Variants in CAD observed in about 807,000 individuals in gnomAD.
The protein encoded by CAD is multifunctional protein CAD.
A neutral mutation model predicts 237.2 loss-of-function variants in CAD; 81 were observed. The observed-to-expected ratio is 0.34, with a 90% CI of 0.29 to 0.41. CAD has a LOEUF of 0.41. Ranked by LOEUF, CAD falls within the 10% of genes least tolerant of loss-of-function variation. The pLI is 1.00. For synonymous variants in CAD, 1,196 were observed against 1,162.8 expected (o/e 1.03, Z -0.58); for missense variants, 2,181 against 2,951.7 (o/e 0.74, Z 6.05).
Position 27,223,759 on chromosome 2 carries a change from T to TTGAC in CAD, c.995+14_995+17dup. The TTGAC allele has an allele frequency of 6.2e-7, 1 of 1,613,268 alleles. No homozygotes were observed. Among genetic ancestry groups the TTGAC allele is most frequent in the Non-Finnish European group, 8.5e-7 (1 of 1,179,248 alleles). On this transcript the variant is annotated intron_variant, in intron 7 of 43. Coordinates refer to ENST00000264705, the MANE Select transcript of CAD (RefSeq NM_004341.5). Reference sequence around the variant, plus strand: ...CTTGCCTTTCTTCAGGTGAGCCTGGTTGACTGGGTCTGTGAAAATTTGAAG... The same window carrying TTGAC: ...CTTGCCTTTCTTCAGGTGAGCCTGGTTGACTGACTGGGTCTGTGAAAATTTGAAG...
intron 4 of CAD, 61 bp downstream of exon 4, chr2:27,222,397 A>G: frequency 4.4e-6 from 7 of 1,585,812 alleles, no homozygotes; most frequent in Non-Finnish European, 6.0e-6. Flanking sequence ...TTCTGCCCAC[A>G]ATTGGGGGGT....
chr2:27,232,076 G>A lies in CAD; in HGVS notation c.2497G>A (p.Asp833Asn), dbSNP rs115483555. 1,606 of 1,614,184 alleles carry A rather than the reference G, an allele frequency of 9.9e-4. 8 individuals carry two copies. The African/African-American group carries it at 0.019, about 19-fold the overall frequency. ...VDRLYELTRI[D>N]RWFLHRMKRI... ...CCGCCTGTATGAGCTCACACGCATC[G>A]ACCGCTGGTTCCTGCACCGAATGAA... Residue 833 changes from aspartate to asparagine, a missense_variant, in exon 17 of 44, where the codon GAC (aspartate) becomes AAC (asparagine). Asp to Asn is a conservative substitution (Grantham distance 23, BLOSUM62 1). Around this residue, in one of 12 missense-constraint regions of CAD, gnomAD observed 385 missense variants for 535.1 expected, o/e 0.72. Transcript: ENST00000264705. The surrounding 1 kb of genome is among the most constrained non-coding windows in gnomAD (Gnocchi z 4.1).
chr2:27,219,992 A>G (rs926410494), intron 2 of CAD, among the ~76,000 whole-genome samples: 8 of 152,142 alleles, frequency 5.3e-5, no homozygotes, highest in Non-Finnish European at 1.2e-4. Flanking sequence ...GTACCTCCCT[A>G]TCTTACTCAG....
In CAD at chr2:27,223,990, G is replaced by C. The variant is rs770710717; in HGVS notation, c.1069G>C (p.Val357Leu). 4 of 1,614,036 alleles carry C rather than the reference G, an allele frequency of 2.5e-6. No homozygotes were observed. Among genetic ancestry groups the C allele is most frequent in the Non-Finnish European group, 2.5e-6 (3 of 1,179,854 alleles). ...GCTTTTCGATATCTTTCTGGAAACTGTGAAAGAGGCCACAGCTGGGAACCC... is the reference window on the plus strand; with the variant it reads ...GCTTTTCGATATCTTTCTGGAAACTCTGAAAGAGGCCACAGCTGGGAACCC... ...ELLFDIFLET[V>L]KEATAGNPGG... The change falls in exon 8 of 44, where the codon GTG (valine) becomes CTG (leucine). Residue 357 changes from valine to leucine, a missense_variant. By Grantham distance (32) the Val-to-Leu change is conservative (BLOSUM62 1). Around this residue, in one of 12 missense-constraint regions of CAD, gnomAD observed 129 missense variants for 143.3 expected, o/e 0.90. Transcript: ENST00000264705.
chr2:27,235,948 C>A lies in CAD; in HGVS notation c.4074+308C>A. The stretch of plus-strand genomic sequence containing the variant: ...TACCATTATACTAGTAAGCTATATT[C>A]CATGCAGAAAGCAGAATACACAGGA... On this transcript the variant is annotated intron_variant, in intron 25 of 43. Transcript: ENST00000264705. The surrounding 1 kb of genome is among the most constrained non-coding windows in gnomAD (Gnocchi z 5.2). The A allele has an allele frequency of 2.1e-6, 1 of 487,042 alleles. No homozygotes were observed. Among genetic ancestry groups the A allele is most frequent in the Non-Finnish European group, 3.7e-6 (1 of 273,730 alleles). The allele number at this position is 487,042 out of a possible 1,614,324, so 30.2% of individuals were successfully genotyped here. A position where few individuals can be genotyped will look rare whatever the true frequency, so the allele number is the denominator to read the frequency against.
chr2:27,234,826 C>T, intron 23 of CAD, 141 bp downstream of exon 23: 1 of 805,102 alleles, frequency 1.2e-6, no homozygotes, highest in Non-Finnish European at 2.0e-6. Context: ...GGTCATTGTC[C>T]CTTAAGAGCT....
At chr2:27,226,487 G>A in intron 13 of CAD, 38 bp from the exon 14 acceptor site, 1 of 1,608,108 alleles carries the variant, frequency 6.2e-7, no homozygotes, top group South Asian at 1.1e-5. Flanking sequence ...CCTAGACAGG[G>A]TCTTCTAGGC....
chr2:27,243,028 T>C (rs1676399311), intron 42 of CAD, 55 bp downstream of exon 42: 9 of 1,463,070 alleles, frequency 6.2e-6, no homozygotes, highest in South Asian at 1.2e-5. Flanking sequence ...GCATCAGATA[T>C]GAGGACAGAA....
chr2:27,231,956 G>A (rs770450249), intron 16 of CAD, 24 bp from the exon 17 acceptor site: 19 of 1,613,274 alleles, frequency 1.2e-5, no homozygotes, highest in East Asian at 2.2e-5. Flanking sequence ...AGTAGCTTCC[G>A]TCTGTCTACC....
In CAD at chr2:27,232,647, G is replaced by A. The variant is rs753804221; in HGVS notation, c.2845G>A (p.Val949Ile). ...TGGCGTCTACCGTATTGGCTCTAGC[G>A]TTGAATTTGACTGGTGTGCTGTAGG... is the stretch of plus-strand genomic sequence containing the variant. ...GSGVYRIGSS[V>I]EFDWCAVGCI... is the part of the protein sequence containing the mutation. The change falls in exon 18 of 44, where the codon GTT becomes ATT. Residue 949 changes from valine to isoleucine, a missense_variant. Physicochemically the swap from Val to Ile is conservative, Grantham distance 29. Transcript: ENST00000264705. This position sits in a 1 kb window ranked among gnomAD's most constrained non-coding sequence, Gnocchi z 4.1. The A allele has an allele frequency of 6.2e-7, 1 of 1,614,188 alleles. No homozygotes were observed. The highest frequency in any genetic ancestry group is 1.1e-5 in the South Asian group (1 of 91,078).
chr2:27,238,493 C>T lies in CAD; in HGVS notation c.4923C>T (p.His1641=), dbSNP rs1558542473. The change falls in exon 31 of 44, where the codon CAC becomes CAT. Residue 1641 remains histidine, a synonymous_variant. Coordinates refer to ENST00000264705, the MANE Select transcript of CAD (RefSeq NM_004341.5). The part of the protein sequence containing the change: ...GLPVTCEVAP[H]HLFLSHDDLE... ...CAGTGACCTGCGAGGTGGCTCCCCACCACCTGTTCCTAAGCCATGATGACC... is the reference window on the plus strand; with the variant it reads ...CAGTGACCTGCGAGGTGGCTCCCCATCACCTGTTCCTAAGCCATGATGACC... 1.9e-6 allele frequency: 3 copies of T among 1,611,662 alleles called. No homozygotes were observed. Among genetic ancestry groups the T allele is most frequent in the Non-Finnish European group, 2.5e-6 (3 of 1,178,908 alleles).
Position 27,235,816 on chromosome 2 carries a change from G to A in CAD, c.4074+176G>A, listed in dbSNP as rs552510422. 1.5e-5 allele frequency: 9 copies of A among 585,256 alleles called. No homozygotes were observed. The highest frequency in any genetic ancestry group is 3.1e-5 in the Admixed American group (1 of 32,474). The allele number at this position is 585,256 out of a possible 1,614,324, so 36.3% of individuals were successfully genotyped here. ...GGAGGTAGAGGCTGCAGTGAGCTGC[G>A]AGTGTGCAGTGAGTGCACCACTGCA... is the stretch of plus-strand genomic sequence containing the variant. On this transcript the variant is annotated intron_variant, in intron 25 of 43. Coordinates refer to ENST00000264705, the MANE Select transcript of CAD (RefSeq NM_004341.5). The surrounding 1 kb of genome is among the most constrained non-coding windows in gnomAD (Gnocchi z 5.2).
Position 27,233,244 on chromosome 2 carries a change from G to T in CAD, c.2992-68G>T. ...AACTTGGTGGCGGCTGAGGGAAGCA[G>T]TGAGCAGGAAGGCTCAGATTCCTGC... On this transcript the variant is annotated intron_variant, in intron 19 of 43. Coordinates refer to ENST00000264705, the MANE Select transcript of CAD (RefSeq NM_004341.5). The surrounding 1 kb of genome is among the most constrained non-coding windows in gnomAD (Gnocchi z 6.3). The T allele has an allele frequency of 2.0e-6, 3 of 1,528,106 alleles. No homozygotes were observed. Among genetic ancestry groups the T allele is most frequent in the Non-Finnish European group, 2.7e-6 (3 of 1,102,864 alleles). 94.7% of individuals were successfully genotyped at this position (1,528,106 alleles called of 1,614,324 possible). A position where few individuals can be genotyped will look rare whatever the true frequency, so the allele number is the denominator to read the frequency against.
chr2:27,225,307 T>C (rs1474386361), intron 11 of CAD, 64 bp downstream of exon 11: 51 of 825,628 alleles, frequency 6.2e-5, no homozygotes, highest in Middle Eastern at 6.3e-4. Context: ...TATTTTCTTT[T>C]TTTTTTTTTT....
In CAD at chr2:27,236,237, G is replaced by T; in HGVS notation, c.4075-47G>T. 6.2e-7 allele frequency: 1 copy of T among 1,601,326 alleles called. No individual in the cohort carries two copies. The highest frequency in any genetic ancestry group is 8.5e-7 in the Non-Finnish European group (1 of 1,172,236). On this transcript the variant is annotated intron_variant, in intron 25 of 43. Coordinates refer to ENST00000264705, the MANE Select transcript of CAD (RefSeq NM_004341.5). This position sits in a 1 kb window ranked among gnomAD's most constrained non-coding sequence, Gnocchi z 4.1. ...CCTCTCCCTTAAGGCTAGCCTTCCT[G>T]ACCGCTGCCAGACAGCTTGGCCCTG...
At position 27,236,217 on chromosome 2, in the gene CAD, C is replaced by A; in HGVS notation, c.4075-67C>A. On this transcript the variant is annotated intron_variant, in intron 25 of 43. Coordinates refer to ENST00000264705, the MANE Select transcript of CAD (RefSeq NM_004341.5). The surrounding 1 kb of genome is among the most constrained non-coding windows in gnomAD (Gnocchi z 4.1). ...CATGGGCTCCTGGGCCAGCTCCTCTCCCTTAAGGCTAGCCTTCCTGACCGC... is the reference window on the plus strand; with the variant it reads ...CATGGGCTCCTGGGCCAGCTCCTCTACCTTAAGGCTAGCCTTCCTGACCGC... 6.3e-7 allele frequency: 1 copy of A among 1,584,896 alleles called. No homozygotes were observed. The highest frequency in any genetic ancestry group is 1.2e-5 in the South Asian group (1 of 86,074).
rs1177161808 is a variant in CAD, at chr2:27,243,035, A to C, written c.6480+62A>C. The C allele has an allele frequency of 1.6e-5, 23 of 1,437,574 alleles. No individual in the cohort carries two copies. The Admixed American group carries it at 1.6e-4, about 10-fold the overall frequency. 89.1% of individuals were successfully genotyped at this position (1,437,574 alleles called of 1,614,324 possible). On this transcript the variant is annotated intron_variant, in intron 42 of 43. Coordinates refer to ENST00000264705, the MANE Select transcript of CAD (RefSeq NM_004341.5). ...GCCGTAGGGCATCAGATATGAGGAC[A>C]GAAAGGCTGGGCTGAGGGCTGGGTC...
Position 27,225,388 on chromosome 2 carries a change from C to A in CAD, c.1620+145C>A. 3 of 588,684 alleles carry A rather than the reference C, an allele frequency of 5.1e-6. No homozygotes were observed. The South Asian group carries it at 6.2e-5, about 12-fold the overall frequency. The allele number at this position is 588,684 out of a possible 1,614,324, so 36.5% of individuals were successfully genotyped here. ...GTGGCGTGATCTCGGCTCATCATAA[C>A]CTCCACCTCCCAGATTCAAGCGACT... On this transcript the variant is annotated intron_variant, in intron 11 of 43. Transcript: ENST00000264705.
At position 27,223,747 on chromosome 2, in the gene CAD, A is replaced by G. The variant is rs532422388; in HGVS notation, c.994A>G (p.Ser332Gly). Residue 332 changes from serine (S) to glycine (G), a missense_variant and splice_region_variant, in exon 7 of 44, where the codon AGT becomes GGT. By Grantham distance (56) the Ser-to-Gly change is moderately conservative. Around this residue, in one of 12 missense-constraint regions of CAD, gnomAD observed 129 missense variants for 143.3 expected, o/e 0.90. Coordinates refer to ENST00000264705, the MANE Select transcript of CAD (RefSeq NM_004341.5). ...TGTGCACAACAGCTTGCCTTTCTTC[A>G]GGTGAGCCTGGTTGACTGGGTCTGT... ...GIVHNSLPFF[S>G]VQFHPEHQAG... 5 of 1,613,872 alleles carry G rather than the reference A, an allele frequency of 3.1e-6. No individual in the cohort carries two copies. The highest frequency in any genetic ancestry group is 2.2e-5 in the East Asian group (1 of 44,880).
Sources: allele counts gnomAD v4.1 joint callset (sites outside exome capture counted in the v4.1 genomes callset), GRCh38; gene constraint gnomAD v4.1.1; regional missense constraint gnomAD v4.1.1; non-coding constraint Gnocchi (gnomAD v3.1); transcripts MANE v1.5; gene names NCBI Gene and HGNC (gene_info 2026-07-23, HGNC 2026-07-21).